Variants in GRM7 observed in about 807,000 individuals in gnomAD.
GRM7 encodes the protein metabotropic glutamate receptor 7.
A neutral mutation model predicts 84.5 loss-of-function variants in GRM7; 35 were observed. The observed-to-expected ratio is 0.41, with a 90% CI of 0.32 to 0.55. GRM7 has a LOEUF of 0.55. GRM7 is among the 20% of genes least tolerant of loss of function. GRM7 has a pLI of 0.19. For synonymous variants in GRM7, 487 were observed against 455.1 expected (o/e 1.07, Z -0.89); for missense variants, 1,003 against 1,194.6 (o/e 0.84, Z 2.36).
At chr3:7,066,819 C>A (rs547834841) in intron 1 of GRM7, among the ~76,000 whole-genome samples, 20 of 151,994 alleles carry the variant, frequency 1.3e-4, no homozygotes, top group African/African-American at 4.6e-4. Flanking sequence ...AAAAGATAAT[C>A]CACCATGATC....
intron 7 of GRM7, among the ~76,000 whole-genome samples, chr3:7,472,307 AAG>A (rs1458622248): frequency 6.6e-6 from 1 of 152,232 alleles, no homozygotes; most frequent in Non-Finnish European, 1.5e-5. Context: ...AAAATGGACT[AAG>A]AGAGTTCACA....
chr3:7,313,455 C>T (rs1411293263), intron 4 of GRM7, among the ~76,000 whole-genome samples: 1 of 152,074 alleles, frequency 6.6e-6, no homozygotes, highest in African/African-American at 2.4e-5. Flanking sequence ...TCTTTAAGCC[C>T]CTTTTAAGCT....
At chr3:7,633,610 C>T (rs1416536262) in intron 8 of GRM7, among the ~76,000 whole-genome samples, 1 of 152,026 alleles carries the variant, frequency 6.6e-6, no homozygotes, top group Non-Finnish European at 1.5e-5. Flanking sequence ...ATACTGAAGC[C>T]CTTCTATCCT....
intron 1 of GRM7, among the ~76,000 whole-genome samples, chr3:6,900,657 A>G (rs1305094081): frequency 6.6e-6 from 1 of 152,182 alleles, no homozygotes; most frequent in East Asian, 1.9e-4. Context: ...TTAAAAGGGA[A>G]TGTGTTGGCT....
intron 1 of GRM7, among the ~76,000 whole-genome samples, chr3:7,089,744 C>G (rs1396235618): frequency 1.3e-5 from 2 of 152,126 alleles, no homozygotes; most frequent in Non-Finnish European, 2.9e-5. Flanking sequence ...ACCAAGAAGG[C>G]AGGAGCTTGT....
At chr3:7,480,498 A>G (rs139427602) in intron 7 of GRM7, among the ~76,000 whole-genome samples, 7 of 152,358 alleles carry the variant, frequency 4.6e-5, no homozygotes, top group African/African-American at 1.4e-4. Context: ...ATTTACCATC[A>G]AAGTCTGGCA....
chr3:7,192,183 G>T (rs544453217), intron 2 of GRM7, among the ~76,000 whole-genome samples: 3 of 152,274 alleles, frequency 2.0e-5, no homozygotes, highest in South Asian at 2.1e-4. Context: ...GCCAGAATCA[G>T]TTGAGAAGAC....
At chr3:7,278,053 CTTATT>C (rs1699134532) in intron 2 of GRM7, among the ~76,000 whole-genome samples, 1 of 151,854 alleles carries the variant, frequency 6.6e-6, no homozygotes. Context: ...TATATTAATT[CTTATT>C]TTAAGTCTAC....
intron 2 of GRM7, among the ~76,000 whole-genome samples, chr3:7,192,822 A>C (rs1695753453): frequency 6.6e-6 from 1 of 152,028 alleles, no homozygotes; most frequent in Non-Finnish European, 1.5e-5. Flanking sequence ...CCTATTTTTC[A>C]CTTTTCAATC....
chr3:7,246,141 G>A (rs1200644344), intron 2 of GRM7, among the ~76,000 whole-genome samples: 1 of 151,928 alleles, frequency 6.6e-6, no homozygotes, highest in Non-Finnish European at 1.5e-5. Flanking sequence ...ACAGAGTATG[G>A]TATCTGATTA....
intron 4 of GRM7, among the ~76,000 whole-genome samples, chr3:7,364,454 G>T (rs1693795092): frequency 6.6e-6 from 1 of 151,668 alleles, no homozygotes; most frequent in Non-Finnish European, 1.5e-5. Flanking sequence ...TTCTAGTGGT[G>T]AGTTTTATTA....
intron 1 of GRM7, among the ~76,000 whole-genome samples, chr3:7,145,504 C>T (rs1694079286): frequency 6.6e-6 from 1 of 152,118 alleles, no homozygotes. Flanking sequence ...TTTTTTGCAG[C>T]TCTTTCCATG....
intron 6 of GRM7, among the ~76,000 whole-genome samples, chr3:7,458,341 G>A (rs1465460729): frequency 1.3e-5 from 2 of 152,122 alleles, no homozygotes; most frequent in Non-Finnish European, 2.9e-5. Context: ...TTCCCCTTTG[G>A]TGAATTCTTT....
chr3:7,490,649 T>A (rs566141670), intron 7 of GRM7, among the ~76,000 whole-genome samples: 228 of 152,290 alleles, frequency 1.5e-3, no homozygotes, highest in Non-Finnish European at 2.4e-3. Context: ...TAATCATTGT[T>A]GAAGTTGAAT....
intron 9 of GRM7, among the ~76,000 whole-genome samples, chr3:7,688,086 TAAG>T (rs770513645): frequency 2.0e-5 from 3 of 152,092 alleles, no homozygotes; most frequent in Non-Finnish European, 4.4e-5. Context: ...TGAGAATAAA[TAAG>T]AAGGAATTTT....
At chr3:7,666,784 G>T (rs1312547476) in intron 8 of GRM7, among the ~76,000 whole-genome samples, 2 of 151,854 alleles carry the variant, frequency 1.3e-5, no homozygotes, top group Non-Finnish European at 2.9e-5. Flanking sequence ...ATTATATATT[G>T]CATTACTTAT....
intron 9 of GRM7, among the ~76,000 whole-genome samples, chr3:7,713,796 T>TTTTTTTTTTC (rs1701678837): frequency 4.9e-4 from 1 of 2,060 alleles, no homozygotes; most frequent in Non-Finnish European, 2.0e-3. Context: ...GGATGCTTTC[T>TTTTTTTTTTC]TTTTTTTTTT....
At position 7,308,831 on chromosome 3, in the gene GRM7, CT is replaced by C. The variant is rs201127812; in HGVS notation, c.1033+2180del. ...GCACATATTCCATGGCCATTAACCC[CT>C]GATGCCTGATATTTTAGGGAACTTA... On this transcript the variant is annotated intron_variant, in intron 4 of 9. Transcript: ENST00000357716. Among the ~76,000 whole-genome samples the C allele has an allele frequency of 4.7e-3, 723 of 152,266 alleles. 5 individuals are homozygous for C. Among genetic ancestry groups the C allele is most frequent in the African/African-American group, 0.017 (696 of 41,546 alleles).
intron 1 of GRM7, among the ~76,000 whole-genome samples, chr3:7,074,775 T>C (rs2124988525): frequency 6.6e-6 from 1 of 152,312 alleles, no homozygotes; most frequent in East Asian, 1.9e-4. Context: ...GTTCTATTAG[T>C]TGCAGATATG....
Sources: allele counts gnomAD v4.1 joint callset (sites outside exome capture counted in the v4.1 genomes callset), GRCh38; gene constraint gnomAD v4.1.1; transcripts MANE v1.5; gene names NCBI Gene and HGNC (gene_info 2026-07-23, HGNC 2026-07-21).